Variants in FRMD4B observed in about 807,000 individuals in gnomAD.
FRMD4B encodes the protein FERM domain-containing protein 4B.
In FRMD4B, 74 loss-of-function variants were observed where a neutral mutation model predicts 141.5. That is an observed-to-expected ratio of 0.52 (90% CI 0.43 to 0.63). The LOEUF is 0.63. Among genes scored for constraint, FRMD4B ranks in the 30% least tolerant of loss-of-function variants. The pLI, the probability that FRMD4B is intolerant of heterozygous loss-of-function variation, is 0.00. For synonymous variants in FRMD4B, 506 were observed against 467.9 expected, an observed-to-expected ratio of 1.08 and a Z score of -1.05; for missense variants, 1,366 against 1,253.4, an observed-to-expected ratio of 1.09 and a Z score of -1.36.
At chr3:69,189,748 C>G (rs953123969) in intron 18 of FRMD4B, 148 bp downstream of exon 18, 4 of 600,806 alleles carry the variant, frequency 6.7e-6, no homozygotes, top group African/African-American at 1.9e-5. Context: ...CATACACTTC[C>G]TTTCCCAACC....
At chr3:69,344,998 T>G (rs1048747322) in intron 1 of FRMD4B, among the ~76,000 whole-genome samples, 16 of 125,386 alleles carry the variant, frequency 1.3e-4, no homozygotes, top group African/African-American at 3.9e-4. Context: ...TGCAGGACAG[T>G]GGGTGCAGCC....
chr3:69,274,529 A>G (rs934404641), intron 5 of FRMD4B, among the ~76,000 whole-genome samples: 7 of 151,484 alleles, frequency 4.6e-5, no homozygotes, highest in African/African-American at 1.7e-4. Flanking sequence ...TTTTATTTTT[A>G]TTTTTTTGAG....
intron 1 of FRMD4B, among the ~76,000 whole-genome samples, chr3:69,350,349 A>C (rs1193932740): frequency 6.6e-6 from 1 of 152,210 alleles, no homozygotes; most frequent in Non-Finnish European, 1.5e-5. Flanking sequence ...GATGTGGAGA[A>C]ATAGGAACAC....
At chr3:69,261,020 T>C (rs888314648) in intron 5 of FRMD4B, among the ~76,000 whole-genome samples, 2 of 152,152 alleles carry the variant, frequency 1.3e-5, no homozygotes, top group Non-Finnish European at 2.9e-5. Context: ...CAGCAGGATG[T>C]GGGTGGGGTC....
At chr3:69,375,713 G>A (rs1703955030) in intron 1 of FRMD4B, among the ~76,000 whole-genome samples, 1 of 152,164 alleles carries the variant, frequency 6.6e-6, no homozygotes, top group South Asian at 2.1e-4. Flanking sequence ...GTTAGAGTCA[G>A]CTAGCATGCT....
At chr3:69,519,128 G>A (rs369068311) in intron 1 of FRMD4B, among the ~76,000 whole-genome samples, 5 of 152,286 alleles carry the variant, frequency 3.3e-5, no homozygotes, top group African/African-American at 9.6e-5. Flanking sequence ...TTTAACTTCA[G>A]CCCCTTTGAG....
At position 69,343,602 on chromosome 3, in the gene FRMD4B, C is replaced by T. The variant is rs1458977268; in HGVS notation, c.163-30085G>A. Among the ~76,000 whole-genome samples the T allele has an allele frequency of 1.5e-4, 7 of 45,344 alleles. 1 individual carries two copies. In the South Asian group the frequency reaches 3.2e-3, roughly 21 times the overall value. The allele number at this position is 45,344 out of a possible 152,430, so 29.7% of individuals were successfully genotyped here. A position where few individuals can be genotyped will look rare whatever the true frequency, so the allele number is the denominator to read the frequency against. On this transcript the variant is annotated intron_variant, in intron 1 of 22. Transcript: ENST00000398540. The stretch of plus-strand genomic sequence containing the variant: ...GTTTTTTTTTTTTTTTTTTTTTAGA[C>T]GGGGTCTCGCTCTGTCACCCAGGCT...
chr3:69,474,430 T>C (rs755339820), intron 1 of FRMD4B, among the ~76,000 whole-genome samples: 6 of 152,090 alleles, frequency 3.9e-5, no homozygotes, highest in Non-Finnish European at 5.9e-5. Context: ...CCTCATATTA[T>C]TGTTCTAGTG....
At position 69,181,600 on chromosome 3, in the gene FRMD4B, G is replaced by T. The variant is rs1310517226; in HGVS notation, c.2150C>A (p.Ser717Tyr). The T allele has an allele frequency of 6.2e-7, 1 of 1,613,810 alleles. No homozygotes were observed. Among genetic ancestry groups the T allele is most frequent in the Non-Finnish European group, 8.5e-7 (1 of 1,179,764 alleles). ...SDKPFFSLSK[S>Y]QRSSSTEILD... ...GATTTCTGTGCTGCTGCTTCTTTGG[G>T]ATTTGGAGAGGGAGAAAAATGGCTT... The change falls in exon 21 of 23, where the codon TCC (serine) becomes TAC (tyrosine). Residue 717 changes from serine to tyrosine, a missense_variant. Physicochemically the swap from Ser to Tyr is moderately radical, Grantham distance 144. Transcript: ENST00000398540.
chr3:69,169,356 T>TC lies in FRMD4B; in HGVS notation c.*2504_*2505insG, dbSNP rs2092564142. Among the ~76,000 whole-genome samples, 1 of 1,808 alleles carries TC rather than the reference T, an allele frequency of 5.5e-4. No homozygotes were observed. The highest frequency in any genetic ancestry group is 0.013 in the South Asian group (1 of 76). The allele number at this position is 1,808 out of a possible 152,430, so 1.2% of individuals were successfully genotyped here. A position where few individuals can be genotyped will look rare whatever the true frequency, so the allele number is the denominator to read the frequency against. On this transcript the variant is annotated 3_prime_UTR_variant, in exon 23 of 23. Coordinates refer to ENST00000398540, the MANE Select transcript of FRMD4B (RefSeq NM_015123.3). ...ATTGCTGAACTTCCATTTCTTTCTT[T>TC]TTTTTTTTTTTTTTTTTTTCTTGAG...
At chr3:69,377,644 G>A (rs9848101) in intron 1 of FRMD4B, among the ~76,000 whole-genome samples, 142,016 of 152,236 alleles carry the variant, frequency 0.93, 66,241 homozygotes, top group East Asian at 0.97. Flanking sequence ...CCTTTTCAAG[G>A]GTAGCCCATC....
intron 1 of FRMD4B, among the ~76,000 whole-genome samples, chr3:69,534,757 C>T (rs1306533012): frequency 6.6e-6 from 1 of 152,110 alleles, no homozygotes; most frequent in African/African-American, 2.4e-5. Context: ...TCAGAATGAC[C>T]TGAAGTTAAA....
rs763070855 is a variant in FRMD4B, at chr3:69,289,566, C to T, written c.417-1730G>A. Among the ~76,000 whole-genome samples, 35 of 152,092 alleles carry T rather than the reference C, an allele frequency of 2.3e-4. 1 individual carries two copies. The highest frequency in any genetic ancestry group is 2.6e-4 in the Non-Finnish European group (18 of 68,024). Reference sequence around the variant, plus strand: ...ATCCCAGCACTTTGGGAGGCCGAGGCGGGCAGATCACTTGAAGTCAGGAGT... The same window carrying T: ...ATCCCAGCACTTTGGGAGGCCGAGGTGGGCAGATCACTTGAAGTCAGGAGT... On this transcript the variant is annotated intron_variant, in intron 4 of 22. Coordinates refer to ENST00000398540, the MANE Select transcript of FRMD4B (RefSeq NM_015123.3).
chr3:69,262,814 A>G (rs569426124), intron 5 of FRMD4B, among the ~76,000 whole-genome samples: 2 of 152,300 alleles, frequency 1.3e-5, no homozygotes, highest in East Asian at 3.9e-4. Flanking sequence ...CAGCAGTGAA[A>G]ATGAACAAGC....
intron 3 of FRMD4B, among the ~76,000 whole-genome samples, chr3:69,302,832 G>T (rs2107170785): frequency 6.6e-6 from 1 of 152,340 alleles, no homozygotes; most frequent in East Asian, 1.9e-4. Context: ...CAGCACTTTG[G>T]GAGGCCGAGG....
intron 5 of FRMD4B, among the ~76,000 whole-genome samples, chr3:69,267,593 GTGTA>G (rs146226806): frequency 3.1e-4 from 30 of 97,986 alleles, no homozygotes; most frequent in African/African-American, 1.2e-3. Flanking sequence ...GTGTGTGTGT[GTGTA>G]TATATATATA....
At chr3:69,356,629 ATATAAT>A (rs1302910128) in intron 1 of FRMD4B, among the ~76,000 whole-genome samples, 1 of 147,354 alleles carries the variant, frequency 6.8e-6, no homozygotes, top group Non-Finnish European at 1.5e-5. Flanking sequence ...ATATACATAT[ATATAAT>A]ATATATACAT....
intron 1 of FRMD4B, among the ~76,000 whole-genome samples, chr3:69,362,328 C>T (rs543152020): frequency 6.6e-6 from 1 of 152,330 alleles, no homozygotes; most frequent in Non-Finnish European, 1.5e-5. Flanking sequence ...TGAACCTACA[C>T]AGTTTGGCTC....
At chr3:69,356,323 G>C (rs1214158199) in intron 1 of FRMD4B, among the ~76,000 whole-genome samples, 1 of 152,128 alleles carries the variant, frequency 6.6e-6, no homozygotes, top group Admixed American at 6.5e-5. Flanking sequence ...ATGTGGGTGG[G>C]CACCATCTGA....
Sources: allele counts gnomAD v4.1 joint callset (sites outside exome capture counted in the v4.1 genomes callset), GRCh38; gene constraint gnomAD v4.1.1; transcripts MANE v1.5; gene names NCBI Gene and HGNC (gene_info 2026-07-23, HGNC 2026-07-21).